ODAD2: variants seen among roughly 807,000 people sequenced by gnomAD.
The protein encoded by ODAD2 is outer dynein arm-docking complex subunit 2.
In ODAD2, 89 loss-of-function variants were observed where a neutral mutation model predicts 106.8. The ratio of observed to expected loss-of-function variants is 0.83; its 90% CI spans 0.70 to 0.99. The LOEUF (loss-of-function observed/expected upper bound fraction) is 0.99, where lower values mean the gene tolerates loss of function less well. Ranked by LOEUF, ODAD2 falls within the 50% of genes least tolerant of loss-of-function variation. The pLI is 0.00. For missense variants in ODAD2, 1,168 were observed against 1,238.5 expected, an observed-to-expected ratio of 0.94 and a Z score of 0.85; for synonymous variants, 404 against 436.2, an observed-to-expected ratio of 0.93 and a Z score of 0.92.
At chr10:27,939,299 G>A (rs890886344) in intron 14 of ODAD2, among the ~76,000 whole-genome samples, 1 of 152,156 alleles carries the variant, frequency 6.6e-6, no homozygotes, top group Non-Finnish European at 1.5e-5. Context: ...AGATGCATAA[G>A]TGTCTTCTAG....
chr10:27,956,833 T>G (rs1191536701), intron 10 of ODAD2, among the ~76,000 whole-genome samples: 2 of 152,216 alleles, frequency 1.3e-5, no homozygotes, highest in Non-Finnish European at 2.9e-5. Context: ...AATTATGACC[T>G]TTCAACATTT....
chr10:27,980,766 C>T (rs1331263959), intron 7 of ODAD2, among the ~76,000 whole-genome samples: 5 of 152,128 alleles, frequency 3.3e-5, no homozygotes, highest in African/African-American at 1.2e-4. Flanking sequence ...AACAGGTTGG[C>T]AGTTCCTCCA....
chr10:27,936,263 C>T (rs1020736912), intron 15 of ODAD2, among the ~76,000 whole-genome samples: 22 of 152,012 alleles, frequency 1.4e-4, no homozygotes, highest in African/African-American at 4.6e-4. Flanking sequence ...ACTTTAAAAT[C>T]GAATCTGATG....
chr10:27,936,377 T>C (rs1845972199), intron 15 of ODAD2, among the ~76,000 whole-genome samples: 1 of 152,206 alleles, frequency 6.6e-6, no homozygotes, highest in African/African-American at 2.4e-5. Context: ...ACAAAATCAC[T>C]TCCATCTCTA....
Position 27,981,667 on chromosome 10 carries a change from G to A in ODAD2, c.820-85C>T, listed in dbSNP as rs1335356782. Reference sequence around the variant, plus strand: ...TCAATACATCACAAGCTAGCCACACGTATTATTTTCATCTCCGAAGGATCT... The same window carrying A: ...TCAATACATCACAAGCTAGCCACACATATTATTTTCATCTCCGAAGGATCT... On this transcript the variant is annotated intron_variant, in intron 6 of 19. Transcript: ENST00000305242. 7 of 977,790 alleles carry A rather than the reference G, an allele frequency of 7.2e-6. No homozygotes were observed. In the Admixed American group the frequency reaches 8.7e-5, roughly 12 times the overall value. 60.6% of individuals were successfully genotyped at this position (977,790 alleles called of 1,614,324 possible). A position where few individuals can be genotyped will look rare whatever the true frequency, so the allele number is the denominator to read the frequency against.
chr10:27,964,491 C>G (rs150284436), intron 9 of ODAD2, among the ~76,000 whole-genome samples: 75 of 152,302 alleles, frequency 4.9e-4, no homozygotes, highest in African/African-American at 1.7e-3. Flanking sequence ...ACCAAACGTG[C>G]ATGGAGGGCC....
chr10:27,932,984 G>A (rs962423201), intron 16 of ODAD2, among the ~76,000 whole-genome samples: 1 of 152,112 alleles, frequency 6.6e-6, no homozygotes, highest in African/African-American at 2.4e-5. Context: ...AGCTGGGTGT[G>A]GTGGCTCACA....
chr10:27,915,608 G>A (rs533641121), intron 16 of ODAD2, among the ~76,000 whole-genome samples: 7 of 152,202 alleles, frequency 4.6e-5, no homozygotes, highest in East Asian at 1.9e-4. Flanking sequence ...ATTATGATAC[G>A]ATTAAATTCT....
At chr10:27,939,024 G>C (rs1211222800) in intron 14 of ODAD2, among the ~76,000 whole-genome samples, 4 of 152,068 alleles carry the variant, frequency 2.6e-5, no homozygotes, top group African/African-American at 7.2e-5. Context: ...CTTTGTCAAG[G>C]CCATTTTTCT....
intron 17 of ODAD2, among the ~76,000 whole-genome samples, chr10:27,871,990 A>T (rs1840934282): frequency 6.6e-6 from 1 of 152,216 alleles, no homozygotes; most frequent in African/African-American, 2.4e-5. Context: ...ATCCAAGAGC[A>T]TGGAATGTTC....
intron 16 of ODAD2, among the ~76,000 whole-genome samples, chr10:27,915,096 G>A (rs1014566103): frequency 5.3e-5 from 8 of 151,862 alleles, no homozygotes; most frequent in African/African-American, 1.2e-4. Flanking sequence ...GAAGCTCAGC[G>A]AACCCTAAAT....
chr10:27,936,786 C>A lies in ODAD2; in HGVS notation c.2192G>T (p.Arg731Leu). ...SLLNNTDNKE[R>L]LAAVTGAIWK... ...TATAGCCCCTGTGACAGCAGCTAAC[C>A]GCTCTTTATTGTCAGTGTTATTGAG... Residue 731 changes from arginine to leucine, a missense_variant, in exon 15 of 20, where the codon CGG (arginine) becomes CTG (leucine). Arg to Leu is a moderately radical substitution (Grantham distance 102). Around this residue, in one of 3 missense-constraint regions of ODAD2, gnomAD observed 701 missense variants for 712.3 expected, o/e 0.98. Transcript: ENST00000305242. 6.2e-7 allele frequency: 1 copy of A among 1,613,988 alleles called. No individual in the cohort carries two copies. The highest frequency in any genetic ancestry group is 8.5e-7 in the Non-Finnish European group (1 of 1,179,940).
chr10:27,891,648 A>G (rs370312052), intron 17 of ODAD2, among the ~76,000 whole-genome samples: 1 of 151,708 alleles, frequency 6.6e-6, no homozygotes, highest in African/African-American at 2.4e-5. Context: ...TGAAAATGCA[A>G]ATATAGTTGA....
chr10:27,936,270 G>C (rs1301127356), intron 15 of ODAD2, among the ~76,000 whole-genome samples: 1 of 152,144 alleles, frequency 6.6e-6, no homozygotes, highest in Admixed American at 6.5e-5. Context: ...AATCGAATCT[G>C]ATGAAATCAT....
chr10:27,845,779 C>A (rs1324633721), intron 19 of ODAD2, among the ~76,000 whole-genome samples: 1 of 152,110 alleles, frequency 6.6e-6, no homozygotes, highest in Non-Finnish European at 1.5e-5. Flanking sequence ...ATCCTAGTCT[C>A]TGATAAAACA....
At chr10:27,940,314 A>G (rs1008006731) in intron 13 of ODAD2, among the ~76,000 whole-genome samples, 2 of 151,314 alleles carry the variant, frequency 1.3e-5, no homozygotes, top group Non-Finnish European at 2.9e-5. Context: ...TATAAATGTC[A>G]GCATATACGT....
At chr10:27,922,738 T>C (rs1844883578) in intron 16 of ODAD2, among the ~76,000 whole-genome samples, 1 of 152,032 alleles carries the variant, frequency 6.6e-6, no homozygotes, top group African/African-American at 2.4e-5. Flanking sequence ...AAACCCTGTC[T>C]CTACTAAAAA....
At chr10:27,993,422 G>A (rs1173630028) in intron 2 of ODAD2, among the ~76,000 whole-genome samples, 1 of 152,148 alleles carries the variant, frequency 6.6e-6, no homozygotes, top group Non-Finnish European at 1.5e-5. Flanking sequence ...GGCTGAGGCA[G>A]GCGGGTTGCC....
intron 19 of ODAD2, among the ~76,000 whole-genome samples, chr10:27,845,488 C>T (rs61842684): frequency 0.048 from 7,283 of 152,238 alleles, 246 homozygotes; most frequent in Middle Eastern, 0.11. Context: ...TAAAGACCAT[C>T]GATGCTAGGA....
Sources: gnomAD v4.1 joint callset for allele counts (sites outside exome capture counted in the v4.1 genomes callset) on GRCh38, gnomAD v4.1.1 for gene constraint, gnomAD v4.1.1 regional missense constraint, MANE v1.5 for transcripts, NCBI Gene and HGNC (gene_info 2026-07-23, HGNC 2026-07-21) for gene names.